The following GRM8 variants were observed in gnomAD, a reference collection of about 807,000 sequenced individuals.
GRM8 encodes metabotropic glutamate receptor 8.
GRM8 carries 47 observed loss-of-function variants against 87.2 expected under a neutral mutation model. That is an observed-to-expected ratio of 0.54 (90% confidence interval 0.43 to 0.69). GRM8 has a LOEUF of 0.69. Ranked by LOEUF, GRM8 falls within the 30% of genes least tolerant of loss-of-function variation. The pLI is 0.00. For synonymous variants in GRM8, 396 were observed against 404.5 expected, an observed-to-expected ratio of 0.98 and a Z score of 0.25; for missense variants, 1,019 against 1,139.2, an observed-to-expected ratio of 0.89 and a Z score of 1.52.
intron 6 of GRM8, among the ~76,000 whole-genome samples, chr7:126,878,992 G>A (rs1416733882): frequency 6.6e-5 from 10 of 152,018 alleles, no homozygotes; most frequent in African/African-American, 9.6e-5. Context: ...GGGAAACCCC[G>A]TCTCTACTAA....
At chr7:127,211,857 C>T (rs559314299) in intron 2 of GRM8, among the ~76,000 whole-genome samples, 1 of 152,210 alleles carries the variant, frequency 6.6e-6, no homozygotes, top group Non-Finnish European at 1.5e-5. Flanking sequence ...ACAAATTACT[C>T]GGTCTAAGGT....
intron 3 of GRM8, among the ~76,000 whole-genome samples, chr7:127,055,855 T>C (rs1031876002): frequency 5.9e-5 from 9 of 151,936 alleles, no homozygotes; most frequent in Non-Finnish European, 2.9e-5. Context: ...GTAAACAAGA[T>C]TCTGGGAGGA....
chr7:126,651,810 A>C (rs1000562508), intron 7 of GRM8, among the ~76,000 whole-genome samples: 2 of 152,016 alleles, frequency 1.3e-5, no homozygotes, highest in African/African-American at 4.8e-5. Context: ...AATACAGTAG[A>C]TCAATTGCGG....
At chr7:126,566,131 T>C (rs977025364) in intron 8 of GRM8, among the ~76,000 whole-genome samples, 2 of 152,210 alleles carry the variant, frequency 1.3e-5, no homozygotes, top group Non-Finnish European at 2.9e-5. Context: ...TAGGCAATGA[T>C]TTGATGAATT....
chr7:126,881,370 A>C (rs187782752), intron 6 of GRM8, among the ~76,000 whole-genome samples: 1 of 152,318 alleles, frequency 6.6e-6, no homozygotes, highest in Admixed American at 6.5e-5. Flanking sequence ...TATATCCTGA[A>C]AGGACATGAT....
chr7:126,627,110 A>G (rs1800783464), intron 7 of GRM8, among the ~76,000 whole-genome samples: 1 of 152,156 alleles, frequency 6.6e-6, no homozygotes, highest in African/African-American at 2.4e-5. Flanking sequence ...ATATTATCTG[A>G]TACTATTGTT....
At chr7:126,566,786 T>C (rs1319776620) in intron 8 of GRM8, among the ~76,000 whole-genome samples, 1 of 152,154 alleles carries the variant, frequency 6.6e-6, no homozygotes, top group Non-Finnish European at 1.5e-5. Flanking sequence ...TCTAAATGTT[T>C]ATTGGCAGAT....
intron 7 of GRM8, among the ~76,000 whole-genome samples, chr7:126,696,482 C>T (rs1259598683): frequency 6.6e-6 from 1 of 152,046 alleles, no homozygotes; most frequent in Non-Finnish European, 1.5e-5. Flanking sequence ...AACATGCGGT[C>T]TTTGATTTTC....
chr7:126,735,431 A>T (rs2299504), intron 7 of GRM8, among the ~76,000 whole-genome samples: 3 of 152,098 alleles, frequency 2.0e-5, no homozygotes, highest in African/African-American at 4.8e-5. Flanking sequence ...ATGAAAAATA[A>T]TAACACCCAG....
At chr7:126,890,864 A>G (rs1334931983) in intron 6 of GRM8, among the ~76,000 whole-genome samples, 13 of 152,044 alleles carry the variant, frequency 8.6e-5, no homozygotes, top group African/African-American at 2.9e-4. Context: ...GCTCTATCTC[A>G]GGCCCTCTGC....
chr7:126,447,697 G>C (rs1214356844), intron 9 of GRM8, among the ~76,000 whole-genome samples: 1 of 151,912 alleles, frequency 6.6e-6, no homozygotes, highest in East Asian at 1.9e-4. Context: ...AGAGGAGAAG[G>C]TTTCTCTTAA....
At chr7:126,699,084 C>A (rs1809666710) in intron 7 of GRM8, among the ~76,000 whole-genome samples, 1 of 152,042 alleles carries the variant, frequency 6.6e-6, no homozygotes, top group Non-Finnish European at 1.5e-5. Context: ...ATCACTAGAC[C>A]CTGAGGGACT....
chr7:126,672,599 G>A (rs1030289777), intron 7 of GRM8, among the ~76,000 whole-genome samples: 1 of 152,084 alleles, frequency 6.6e-6, no homozygotes, highest in Admixed American at 6.5e-5. Context: ...AAACTTGTTG[G>A]CTCAGGATCA....
chr7:127,125,681 C>A (rs1827323258), intron 2 of GRM8, among the ~76,000 whole-genome samples: 1 of 151,046 alleles, frequency 6.6e-6, no homozygotes, highest in African/African-American at 2.4e-5. Flanking sequence ...GAACAGATAA[C>A]CTGCATAATT....
At chr7:126,614,497 C>T (rs2151116195) in intron 7 of GRM8, among the ~76,000 whole-genome samples, 1 of 152,308 alleles carries the variant, frequency 6.6e-6, no homozygotes, top group Non-Finnish European at 1.5e-5. Context: ...AACGCAGCTC[C>T]TCACCAGCAA....
At chr7:127,156,713 C>T (rs898331951) in intron 2 of GRM8, among the ~76,000 whole-genome samples, 40 of 152,160 alleles carry the variant, frequency 2.6e-4, no homozygotes, top group Middle Eastern at 6.8e-3. Flanking sequence ...GAACAACTTA[C>T]ACCCAATAAA....
At chr7:127,198,432 A>C (rs2116536165) in intron 2 of GRM8, among the ~76,000 whole-genome samples, 1 of 152,304 alleles carries the variant, frequency 6.6e-6, no homozygotes. Context: ...CTATGAAATG[A>C]AAATGACAGT....
chr7:126,624,962 A>T (rs1318868450), intron 7 of GRM8, among the ~76,000 whole-genome samples: 1 of 152,224 alleles, frequency 6.6e-6, no homozygotes, highest in Admixed American at 6.5e-5. Context: ...TTCCTTTAGC[A>T]TAATTGTGTG....
intron 7 of GRM8, among the ~76,000 whole-genome samples, chr7:126,744,531 G>A (rs1422821835): frequency 6.6e-6 from 1 of 151,962 alleles, no homozygotes; most frequent in Non-Finnish European, 1.5e-5. Flanking sequence ...ATTTAAAAGA[G>A]ATACATAACT....
Sources: gnomAD v4.1 joint callset for allele counts (sites outside exome capture counted in the v4.1 genomes callset) on GRCh38, gnomAD v4.1.1 for gene constraint, MANE v1.5 for transcripts, NCBI Gene and HGNC (gene_info 2026-07-23, HGNC 2026-07-21) for gene names.